Variants in CFAP298 observed in about 807,000 individuals in gnomAD.
The protein encoded by CFAP298 is cilia and flagella associated protein 298.
A neutral mutation model predicts 41.0 loss-of-function variants in CFAP298; 38 were observed. That is an observed-to-expected ratio of 0.93 (90% CI 0.72 to 1.22). The LOEUF is 1.22. Ranked by LOEUF, CFAP298 falls within the 50% of genes most tolerant of loss-of-function variation. The pLI is 0.00. For synonymous variants in CFAP298, 137 were observed against 135.3 expected (o/e 1.01, Z -0.09); for missense variants, 348 against 360.3 (o/e 0.97, Z 0.28).
At chr21:32,605,430 C>T (rs765704772) in intron 3 of CFAP298, among the ~76,000 whole-genome samples, 2 of 152,128 alleles carry the variant, frequency 1.3e-5, no homozygotes, top group Non-Finnish European at 2.9e-5. Flanking sequence ...AGGGGCTGGC[C>T]GTGCCTGGGA....
Position 32,601,056 on chromosome 21 carries a change from CCGCAGCAGGG to C in CFAP298, c.*797_*806del. Among the ~76,000 whole-genome samples the C allele has an allele frequency of 6.6e-6, 1 of 151,476 alleles. No homozygotes were observed. Among genetic ancestry groups the C allele is most frequent in the African/African-American group, 2.5e-5 (1 of 40,798 alleles). On this transcript the variant is annotated 3_prime_UTR_variant, in exon 7 of 7. Coordinates refer to ENST00000290155, the MANE Select transcript of CFAP298 (RefSeq NM_021254.4). ...GGTTAAAGAAGGCTACAGTTAGACC[CCGCAGCAGGG>C]TTAAAGAAGGCTACAGTTAGACCCC... is the stretch of plus-strand genomic sequence containing the variant.
At chr21:32,609,348 C>T (rs1428171557) in intron 2 of CFAP298, among the ~76,000 whole-genome samples, 1 of 152,184 alleles carries the variant, frequency 6.6e-6, no homozygotes, top group African/African-American at 2.4e-5. Flanking sequence ...TAAAAGCAAG[C>T]TGCAACTTAT....
At chr21:32,604,413 A>G in intron 3 of CFAP298, 130 bp from the exon 4 acceptor site, 1 of 1,012,636 alleles carries the variant, frequency 9.9e-7, no homozygotes, top group South Asian at 1.5e-5. Flanking sequence ...TCTTGCTCCC[A>G]GAGTGACTAC....
intron 1 of CFAP298, 34 bp from the exon 2 acceptor site, chr21:32,610,039 T>C: frequency 1.3e-6 from 2 of 1,570,094 alleles, no homozygotes; most frequent in African/African-American, 1.3e-5. Flanking sequence ...ATCACAATCA[T>C]AACACCTCAT....
Position 32,605,524 on chromosome 21 carries a change from C to T in CFAP298, c.376-1241G>A, listed in dbSNP as rs78286108. ...AGGCGCTAGAGGTTGGGATCAAACA[C>T]GTGGCCAGTGGTTTAAGCCATCATG... On this transcript the variant is annotated intron_variant, in intron 3 of 6. Coordinates refer to ENST00000290155, the MANE Select transcript of CFAP298 (RefSeq NM_021254.4). Among the ~76,000 whole-genome samples, 69 of 152,308 alleles carry T rather than the reference C, an allele frequency of 4.5e-4. No individual in the cohort carries two copies. In the East Asian group the frequency reaches 0.013, roughly 28 times the overall value.
Position 32,601,983 on chromosome 21 carries a change from A to C in CFAP298, c.763-10T>G. Reference sequence around the variant, plus strand: ...CATTTTCTTCCAATCTCTGGAAATAAGTATGTTTTATTCAGGCAGGCATTT... The same window carrying C: ...CATTTTCTTCCAATCTCTGGAAATACGTATGTTTTATTCAGGCAGGCATTT... On this transcript the variant is annotated splice_polypyrimidine_tract_variant and intron_variant, in intron 6 of 6. Transcript: ENST00000290155. 1 of 1,507,068 alleles carries C rather than the reference A, an allele frequency of 6.6e-7. No individual in the cohort carries two copies. Among genetic ancestry groups the C allele is most frequent in the Non-Finnish European group, 9.2e-7 (1 of 1,083,256 alleles). 93.4% of individuals were successfully genotyped at this position (1,507,068 alleles called of 1,614,324 possible). A position where few individuals can be genotyped will look rare whatever the true frequency, so the allele number is the denominator to read the frequency against.
rs1037143462 is a variant in CFAP298 at position 32,600,707 on chromosome 21, G to A, written c.*1156C>T. Among the ~76,000 whole-genome samples, 2 of 152,218 alleles carry A rather than the reference G, an allele frequency of 1.3e-5. No individual in the cohort carries two copies. The highest frequency in any genetic ancestry group is 2.4e-5 in the African/African-American group (1 of 41,452). On this transcript the variant is annotated 3_prime_UTR_variant, in exon 7 of 7. Coordinates refer to ENST00000290155, the MANE Select transcript of CFAP298 (RefSeq NM_021254.4). ...GGTGTCCTAGATACTCAGTTAGGAT[G>A]ATAGTGATCCCATCCATCCCGTGGT...
intron 1 of CFAP298, among the ~76,000 whole-genome samples, chr21:32,610,963 T>C (rs1345569831): frequency 6.6e-6 from 1 of 152,116 alleles, no homozygotes; most frequent in Non-Finnish European, 1.5e-5. Flanking sequence ...AAAACTATGC[T>C]GTCTAATGCG....
Position 32,601,423 on chromosome 21 carries a change from G to A in CFAP298, c.*440C>T, listed in dbSNP as rs898567337. ...CGCCATTCTCCTGCCTCAGCCTCCC[G>A]AGTAGCTGGGACTACAGGCGCCTGC... On this transcript the variant is annotated 3_prime_UTR_variant, in exon 7 of 7. Transcript: ENST00000290155. 2.5e-4 allele frequency among the ~76,000 whole-genome samples: 37 copies of A among 147,170 alleles called. No homozygotes were observed. The highest frequency in any genetic ancestry group is 8.3e-4 in the African/African-American group (33 of 39,794).
At position 32,612,235 on chromosome 21, in the gene CFAP298, C is replaced by G; in HGVS notation, c.9G>C (p.Leu3=). 1 of 1,605,596 alleles carries G rather than the reference C, an allele frequency of 6.2e-7. No individual in the cohort carries two copies. Among genetic ancestry groups the G allele is most frequent in the Non-Finnish European group, 8.5e-7 (1 of 1,175,750 alleles). MV[L]LHVKRGDESQ... ...TCTCGTCGCCCCGCTTCACGTGCAG[C>G]AGAACCATGGCGGTCCCGCCGAGGT... Residue 3 remains leucine, a synonymous_variant, in exon 1 of 7, where the codon CTG becomes CTC. Coordinates refer to ENST00000290155, the MANE Select transcript of CFAP298 (RefSeq NM_021254.4).
At position 32,600,563 on chromosome 21, in the gene CFAP298, C is replaced by A. The variant is rs965715429; in HGVS notation, c.*1300G>T. 3.0e-5 allele frequency among the ~76,000 whole-genome samples: 4 copies of A among 134,126 alleles called. No individual in the cohort carries two copies. Among genetic ancestry groups the A allele is most frequent in the Non-Finnish European group, 6.5e-5 (4 of 61,612 alleles). 88.0% of individuals were successfully genotyped at this position (134,126 alleles called of 152,430 possible). On this transcript the variant is annotated 3_prime_UTR_variant, in exon 7 of 7. Coordinates refer to ENST00000290155, the MANE Select transcript of CFAP298 (RefSeq NM_021254.4). The stretch of plus-strand genomic sequence containing the variant: ...GAACAGGACCCTAGGCACCAAAAGT[C>A]AAGCATGAGGGACTGCCACAGGCAG...
At chr21:32,603,918 C>T (rs968292253) in intron 4 of CFAP298, among the ~76,000 whole-genome samples, 1 of 152,190 alleles carries the variant, frequency 6.6e-6, no homozygotes, top group Non-Finnish European at 1.5e-5. Flanking sequence ...TCCACTGCCT[C>T]CTGTGTGTGG....
At position 32,601,973 on chromosome 21, in the gene CFAP298, T is replaced by G. The variant is rs1467006872; in HGVS notation, c.763A>C (p.Arg255=). 6.4e-7 allele frequency: 1 copy of G among 1,556,458 alleles called. No homozygotes were observed. The highest frequency in any genetic ancestry group is 8.9e-7 in the Non-Finnish European group (1 of 1,128,074). ...GCATCATCATCATTTTCTTCCAATC[T>G]CTGGAAATAAGTATGTTTTATTCAG... ...YYHRRQEELK[R]LEENDDDAYL... is the part of the protein sequence containing the mutation. The change falls in exon 7 of 7, where the codon AGA becomes CGA. Residue 255 remains arginine, a splice_region_variant and synonymous_variant. Coordinates refer to ENST00000290155, the MANE Select transcript of CFAP298 (RefSeq NM_021254.4).
rs767484946 is a variant in CFAP298 at position 32,601,002 on chromosome 21, C to T, written c.*861G>A. On this transcript the variant is annotated 3_prime_UTR_variant, in exon 7 of 7. Transcript: ENST00000290155. ...AAACTTCACCTTCAAGGCCAGGCAA[C>T]GCCTGGCTACAGTTAGACCCCGCAG... 1.3e-5 allele frequency among the ~76,000 whole-genome samples: 2 copies of T among 152,112 alleles called. No homozygotes were observed. Among genetic ancestry groups the T allele is most frequent in the Non-Finnish European group, 2.9e-5 (2 of 68,002 alleles).
chr21:32,608,422 C>T (rs1192379494), intron 2 of CFAP298, among the ~76,000 whole-genome samples: 1 of 151,800 alleles, frequency 6.6e-6, no homozygotes, highest in Non-Finnish European at 1.5e-5. Context: ...TTCGGAAGGC[C>T]AAGATGGGTG....
intron 5 of CFAP298, 39 bp downstream of exon 5, chr21:32,603,122 A>G: frequency 6.2e-7 from 1 of 1,612,368 alleles, no homozygotes; most frequent in Non-Finnish European, 8.5e-7. Flanking sequence ...GAAGGGAAAT[A>G]ACAAAAACTA....
At chr21:32,609,303 G>A (rs552303737) in intron 2 of CFAP298, among the ~76,000 whole-genome samples, 43 of 152,284 alleles carry the variant, frequency 2.8e-4, no homozygotes, top group Admixed American at 1.6e-3. Flanking sequence ...CTACAGAAGG[G>A]AAAGGGTCAT....
chr21:32,606,945 A>G (rs368417842), intron 3 of CFAP298, among the ~76,000 whole-genome samples: 1 of 151,052 alleles, frequency 6.6e-6, no homozygotes, highest in Non-Finnish European at 1.5e-5. Context: ...ATTACAAAAA[A>G]CCATTTATAT....
chr21:32,605,653 C>T (rs996145200), intron 3 of CFAP298, among the ~76,000 whole-genome samples: 4 of 152,064 alleles, frequency 2.6e-5, no homozygotes, highest in East Asian at 3.8e-4. Context: ...TCAGTGGGGG[C>T]GTTGTGGGAA....
Sources: allele counts gnomAD v4.1 joint callset (sites outside exome capture counted in the v4.1 genomes callset), GRCh38; gene constraint gnomAD v4.1.1; transcripts MANE v1.5; gene names NCBI Gene and HGNC (gene_info 2026-07-23, HGNC 2026-07-21).